The following RGS9 variants were observed in gnomAD, a reference collection of about 807,000 sequenced individuals.
The protein encoded by RGS9 is regulator of G protein signaling 9.
Under a neutral mutation model 102.0 loss-of-function variants are expected in RGS9, and 78 were observed. The observed-to-expected ratio is 0.76, with a 90% CI of 0.64 to 0.92. The LOEUF is 0.92. RGS9 is among the 40% of genes least tolerant of loss of function. RGS9 has a pLI of 0.00. For synonymous variants in RGS9, 353 were observed against 318.6 expected (o/e 1.11, Z -1.15); for missense variants, 833 against 866.1 (o/e 0.96, Z 0.48).
intron 3 of RGS9, among the ~76,000 whole-genome samples, chr17:65,159,831 G>A (rs1408840420): frequency 2.0e-5 from 3 of 152,142 alleles, no homozygotes; most frequent in Non-Finnish European, 4.4e-5. Context: ...CATTCTTGGA[G>A]TGACAAAGTG....
intron 9 of RGS9, among the ~76,000 whole-genome samples, chr17:65,180,622 T>C (rs1335659276): frequency 6.6e-6 from 1 of 152,256 alleles, no homozygotes; most frequent in African/African-American, 2.4e-5. Context: ...AGTGCTGGGA[T>C]TACAGGCATG....
chr17:65,180,973 C>A (rs1006339606), intron 9 of RGS9, among the ~76,000 whole-genome samples: 1 of 152,184 alleles, frequency 6.6e-6, no homozygotes, highest in Non-Finnish European at 1.5e-5. Context: ...CTACAAAGAA[C>A]ATGATCTCAT....
chr17:65,146,403 C>T (rs561171233), intron 1 of RGS9, among the ~76,000 whole-genome samples: 1 of 150,798 alleles, frequency 6.6e-6, no homozygotes, highest in Non-Finnish European at 1.5e-5. Flanking sequence ...TCCTGGCAAA[C>T]CTGGTGAAAC....
intron 16 of RGS9, among the ~76,000 whole-genome samples, chr17:65,208,680 A>G (rs891883767): frequency 2.6e-5 from 4 of 152,102 alleles, no homozygotes; most frequent in Admixed American, 2.6e-4. Context: ...CAAAACTGTA[A>G]GGCTTTGGCA....
At chr17:65,163,143 C>T in intron 7 of RGS9, 54 bp downstream of exon 7, 1 of 816,084 alleles carries the variant, frequency 1.2e-6, no homozygotes, top group Non-Finnish European at 1.9e-6. Context: ...CCCTCTCTTC[C>T]TTCTTTGTTT....
At position 65,202,408 on chromosome 17, in the gene RGS9, GGTGT is replaced by G. The variant is rs746368093; in HGVS notation, c.1064+362_1064+365del. 6.2e-3 allele frequency among the ~76,000 whole-genome samples: 822 copies of G among 132,292 alleles called. 4 individuals carry two copies. The highest frequency in any genetic ancestry group is 0.015 in the East Asian group (74 of 4,812). 86.8% of individuals were successfully genotyped at this position (132,292 alleles called of 152,430 possible). A position where few individuals can be genotyped will look rare whatever the true frequency, so the allele number is the denominator to read the frequency against. ...TAAAGCCTTCTTAGGTGTCCTGAGG[GGTGT>G]GTGTGTGTGTGTGTGTGTGTGTGTG... On this transcript the variant is annotated intron_variant, in intron 14 of 18. Coordinates refer to ENST00000262406, the MANE Select transcript of RGS9 (RefSeq NM_003835.4).
intron 2 of RGS9, among the ~76,000 whole-genome samples, chr17:65,154,437 TC>T (rs746671253): frequency 3.9e-5 from 6 of 152,250 alleles, no homozygotes; most frequent in Non-Finnish European, 7.3e-5. Context: ...AAGCCATTCC[TC>T]CCAGAAGGTC....
rs1023317316 is a variant in RGS9, at chr17:65,212,973, A to C, written c.1407+2368A>C. Among the ~76,000 whole-genome samples, 4 of 152,338 alleles carry C rather than the reference A, an allele frequency of 2.6e-5. No homozygotes were observed. The South Asian group carries it at 8.3e-4, about 32-fold the overall frequency. ...TGACATGAGTGGATGAATGAATGAA[A>C]GAATGAATGAATGAATGAAAAGAGC... is the stretch of plus-strand genomic sequence containing the variant. On this transcript the variant is annotated intron_variant, in intron 17 of 18. Coordinates refer to ENST00000262406, the MANE Select transcript of RGS9 (RefSeq NM_003835.4).
intron 13 of RGS9, among the ~76,000 whole-genome samples, chr17:65,200,740 C>G (rs1912799174): frequency 6.6e-6 from 1 of 152,118 alleles, no homozygotes; most frequent in African/African-American, 2.4e-5. Flanking sequence ...CTGCACGAGA[C>G]CACTTATAGG....
At chr17:65,168,714 C>T (rs995104241) in intron 8 of RGS9, among the ~76,000 whole-genome samples, 12 of 152,066 alleles carry the variant, frequency 7.9e-5, no homozygotes, top group African/African-American at 2.9e-4. Context: ...AGCTCCCTCA[C>T]TTTTTCCTCT....
chr17:65,215,451 A>G (rs1290289666), intron 17 of RGS9, among the ~76,000 whole-genome samples: 1 of 151,698 alleles, frequency 6.6e-6, no homozygotes, highest in Non-Finnish European at 1.5e-5. Context: ...ACATTTACGG[A>G]GTTTCTCTTT....
intron 1 of RGS9, among the ~76,000 whole-genome samples, chr17:65,147,656 T>C (rs1287649266): frequency 6.8e-6 from 1 of 146,456 alleles, no homozygotes; most frequent in Non-Finnish European, 1.5e-5. Flanking sequence ...GGTGGCATGA[T>C]CTCAGCTCAC....
At chr17:65,194,646 G>A (rs1912514712) in intron 12 of RGS9, among the ~76,000 whole-genome samples, 1 of 152,122 alleles carries the variant, frequency 6.6e-6, no homozygotes, top group Admixed American at 6.5e-5. Flanking sequence ...TTTGGAAGAG[G>A]GGGCAGAGGC....
intron 17 of RGS9, 27 bp downstream of exon 17, chr17:65,210,632 C>A (rs531618200): frequency 1.2e-6 from 2 of 1,612,636 alleles, no homozygotes; most frequent in Admixed American, 1.7e-5. Flanking sequence ...ACCGCAGGAG[C>A]CAACTCCAAA....
At chr17:65,140,511 G>T (rs1910116783) in intron 1 of RGS9, among the ~76,000 whole-genome samples, 1 of 152,210 alleles carries the variant, frequency 6.6e-6, no homozygotes, top group Admixed American at 6.5e-5. Context: ...TAAAGGTTTG[G>T]TTTTATCTCA....
At chr17:65,210,776 A>G in intron 17 of RGS9, 171 bp downstream of exon 17, 1 of 1,112,386 alleles carries the variant, frequency 9.0e-7, no homozygotes. Flanking sequence ...GGTTCATCCC[A>G]TACTCCTCTA....
intron 17 of RGS9, among the ~76,000 whole-genome samples, chr17:65,218,026 T>C (rs1171064598): frequency 1.3e-5 from 2 of 152,158 alleles, no homozygotes; most frequent in Non-Finnish European, 2.9e-5. Context: ...AACAAGTGCT[T>C]GACAATCACT....
rs76751881 is a variant in RGS9, at chr17:65,191,328, C to T, written c.746+1092C>T. On this transcript the variant is annotated intron_variant, in intron 11 of 18. Coordinates refer to ENST00000262406, the MANE Select transcript of RGS9 (RefSeq NM_003835.4). ...TTTATTTGTCTCAGGACCTCATTACCGTAATTTTGACATCATTAGTGTTTT... is the reference window on the plus strand; with the variant it reads ...TTTATTTGTCTCAGGACCTCATTACTGTAATTTTGACATCATTAGTGTTTT... Among the ~76,000 whole-genome samples the T allele has an allele frequency of 4.8e-3, 725 of 151,852 alleles. 6 individuals are homozygous for T. The highest frequency in any genetic ancestry group is 0.024 in the East Asian group (123 of 5,180).
Position 65,210,874 on chromosome 17 carries a change from C to T in RGS9, c.1407+269C>T, listed in dbSNP as rs190033746. 3.5e-3 allele frequency among the ~76,000 whole-genome samples: 534 copies of T among 152,146 alleles called. 6 individuals carry two copies. Among genetic ancestry groups the T allele is most frequent in the African/African-American group, 0.012 (512 of 41,518 alleles). On this transcript the variant is annotated intron_variant, in intron 17 of 18. Coordinates refer to ENST00000262406, the MANE Select transcript of RGS9 (RefSeq NM_003835.4). The stretch of plus-strand genomic sequence containing the variant: ...CATCAGGGGACAGGGTGGGCGAAGG[C>T]GGTGGGTGGGAGAGGGGATCACCTG...
Sources: gnomAD v4.1 joint callset for allele counts (sites outside exome capture counted in the v4.1 genomes callset) on GRCh38, gnomAD v4.1.1 for gene constraint, MANE v1.5 for transcripts, NCBI Gene and HGNC (gene_info 2026-07-23, HGNC 2026-07-21) for gene names.